Variants in CTNNA2 observed in about 807,000 individuals in gnomAD.
CTNNA2 encodes catenin alpha-2.
In CTNNA2, 42 loss-of-function variants were observed where a neutral mutation model predicts 101.0. The ratio of observed to expected loss-of-function variants is 0.42; its 90% CI spans 0.32 to 0.54. CTNNA2 has a LOEUF of 0.54. Ranked by LOEUF, CTNNA2 falls within the 20% of genes least tolerant of loss-of-function variation. CTNNA2 has a pLI of 0.14. For missense variants in CTNNA2, 871 were observed against 1,223.1 expected (o/e 0.71, Z 4.29); for synonymous variants, 450 against 456.4 (o/e 0.99, Z 0.18).
chr2:79,465,508 A>G (rs981125878), intron 4 of CTNNA2, among the ~76,000 whole-genome samples: 44 of 152,134 alleles, frequency 2.9e-4, no homozygotes, highest in African/African-American at 1.0e-3. Flanking sequence ...TTTTTTTCCA[A>G]TTCTGTGAAG....
chr2:79,826,518 A>G (rs760418568), intron 3 of CTNNA2, among the ~76,000 whole-genome samples: 1 of 152,210 alleles, frequency 6.6e-6, no homozygotes, highest in Non-Finnish European at 1.5e-5. Context: ...CCAAGTACGC[A>G]TGGCCTCCTG....
rs1558668853 is a variant in CTNNA2 at position 79,951,686 on chromosome 2, GTTAAAATAAA to G, written c.1056+41890_1056+41899del. On this transcript the variant is annotated intron_variant, in intron 7 of 18. Coordinates refer to ENST00000402739, the MANE Select transcript of CTNNA2 (RefSeq NM_001282597.3). The stretch of plus-strand genomic sequence containing the variant: ...TCTCAAAAATTAAAAAATAAGATAA[GTTAAAATAAA>G]ATAAAATAAAATAAAATAAGTACCC... 2.4e-3 allele frequency among the ~76,000 whole-genome samples: 172 copies of G among 71,680 alleles called. 1 individual carries two copies. Among genetic ancestry groups the G allele is most frequent in the Middle Eastern group, 6.7e-3 (1 of 150 alleles). The allele number at this position is 71,680 out of a possible 152,430, so 47.0% of individuals were successfully genotyped here.
At chr2:79,736,710 C>T (rs1175958339) in intron 2 of CTNNA2, among the ~76,000 whole-genome samples, 1 of 150,778 alleles carries the variant, frequency 6.6e-6, no homozygotes, top group Admixed American at 6.6e-5. Context: ...CAATTGAAGC[C>T]TTCTCTTGTG....
intron 8 of CTNNA2, among the ~76,000 whole-genome samples, chr2:80,394,339 C>T (rs1677802166): frequency 6.6e-6 from 1 of 152,210 alleles, no homozygotes; most frequent in Admixed American, 6.5e-5. Flanking sequence ...TGGCTTTTAT[C>T]AAGACATCAC....
intron 2 of CTNNA2, among the ~76,000 whole-genome samples, chr2:79,742,451 C>A (rs13403932): frequency 1.3e-5 from 2 of 152,074 alleles, no homozygotes; most frequent in African/African-American, 4.8e-5. Flanking sequence ...TAAAAGGAGC[C>A]TGGCCTAAAT....
intron 7 of CTNNA2, among the ~76,000 whole-genome samples, chr2:80,125,898 G>A (rs759094015): frequency 6.6e-6 from 1 of 152,146 alleles, no homozygotes; most frequent in Non-Finnish European, 1.5e-5. Flanking sequence ...GGAGGCAAAG[G>A]CTATTGTACT....
chr2:79,442,381 A>C (rs544019547), intron 4 of CTNNA2, among the ~76,000 whole-genome samples: 64 of 152,180 alleles, frequency 4.2e-4, no homozygotes, highest in Admixed American at 5.2e-4. Context: ...AAGGACCTCT[A>C]GTTGAACTTG....
intron 8 of CTNNA2, among the ~76,000 whole-genome samples, chr2:80,402,176 A>T (rs1340662380): frequency 6.6e-6 from 1 of 152,202 alleles, no homozygotes; most frequent in Non-Finnish European, 1.5e-5. Flanking sequence ...TCAGGTGAGC[A>T]GTCAAATGGA....
Position 80,337,985 on chromosome 2 carries a change from T to C in CTNNA2, c.1057-55226T>C, listed in dbSNP as rs552525535. ...CAGTAAAATCAGAAAGGGAATGTAG[T>C]TTACTTTTCTTTTTTTTTTTTGAGA... On this transcript the variant is annotated intron_variant, in intron 7 of 18. Coordinates refer to ENST00000402739, the MANE Select transcript of CTNNA2 (RefSeq NM_001282597.3). Among the ~76,000 whole-genome samples, 6 of 151,360 alleles carry C rather than the reference T, an allele frequency of 4.0e-5. No individual in the cohort carries two copies. The South Asian group carries it at 1.3e-3, about 32-fold the overall frequency.
intron 7 of CTNNA2, among the ~76,000 whole-genome samples, chr2:80,174,082 G>A (rs894593337): frequency 1.3e-5 from 2 of 152,162 alleles, no homozygotes; most frequent in African/African-American, 4.8e-5. Flanking sequence ...CACATGCACT[G>A]TGCCAATATA....
intron 2 of CTNNA2, among the ~76,000 whole-genome samples, chr2:79,702,889 A>G (rs1685105640): frequency 6.6e-6 from 1 of 152,136 alleles, no homozygotes; most frequent in Non-Finnish European, 1.5e-5. Context: ...CTTGATTGTG[A>G]TGTTAACTTC....
chr2:80,081,317 T>A (rs1426902235), intron 7 of CTNNA2, among the ~76,000 whole-genome samples: 1 of 151,894 alleles, frequency 6.6e-6, no homozygotes, highest in African/African-American at 2.4e-5. Context: ...TATAAAACTG[T>A]CAATTCCCAG....
intron 7 of CTNNA2, among the ~76,000 whole-genome samples, chr2:80,206,054 GTTTTC>G (rs1293733441): frequency 2.0e-5 from 3 of 152,054 alleles, no homozygotes; most frequent in African/African-American, 7.2e-5. Context: ...CATTTCATGT[GTTTTC>G]TTTTCACAGC....
intron 9 of CTNNA2, among the ~76,000 whole-genome samples, chr2:80,529,252 A>C (rs1690311354): frequency 6.6e-6 from 1 of 152,216 alleles, no homozygotes; most frequent in African/African-American, 2.4e-5. Flanking sequence ...TAGGTGTTTT[A>C]ACCGCCCTTT....
At chr2:80,261,876 A>G (rs1465449419) in intron 7 of CTNNA2, among the ~76,000 whole-genome samples, 3 of 152,166 alleles carry the variant, frequency 2.0e-5, no homozygotes, top group African/African-American at 7.2e-5. Context: ...TATCCCTTCT[A>G]TGTTACCCTA....
At chr2:79,769,002 C>T (rs1476390328) in intron 3 of CTNNA2, among the ~76,000 whole-genome samples, 1 of 151,998 alleles carries the variant, frequency 6.6e-6, no homozygotes, top group Admixed American at 6.6e-5. Flanking sequence ...CTATAGGTGC[C>T]CGCCACCACG....
intron 3 of CTNNA2, among the ~76,000 whole-genome samples, chr2:79,314,267 C>T (rs969168191): frequency 2.0e-5 from 3 of 152,034 alleles, no homozygotes; most frequent in Non-Finnish European, 4.4e-5. Flanking sequence ...CCAGAAATCC[C>T]GTAGAAAATG....
At chr2:79,970,623 A>C (rs1398819571) in intron 7 of CTNNA2, among the ~76,000 whole-genome samples, 1 of 152,036 alleles carries the variant, frequency 6.6e-6, no homozygotes, top group Non-Finnish European at 1.5e-5. Flanking sequence ...GTATATTAGC[A>C]CCTTCCATTT....
At chr2:79,577,602 T>C (rs1395079676) in intron 1 of CTNNA2, among the ~76,000 whole-genome samples, 1 of 152,130 alleles carries the variant, frequency 6.6e-6, no homozygotes, top group Non-Finnish European at 1.5e-5. Context: ...TCTAAATTTT[T>C]TTTTGTAGAT....
Sources: allele counts gnomAD v4.1 joint callset (sites outside exome capture counted in the v4.1 genomes callset), GRCh38; gene constraint gnomAD v4.1.1; transcripts MANE v1.5; gene names NCBI Gene and HGNC (gene_info 2026-07-23, HGNC 2026-07-21).